PRKDC: variants seen among roughly 807,000 people sequenced by gnomAD.
PRKDC encodes the protein protein kinase, DNA-activated, catalytic subunit.
PRKDC carries 82 observed loss-of-function variants against 486.9 expected under a neutral mutation model. The observed-to-expected ratio is 0.17, with a 90% CI of 0.14 to 0.20. The LOEUF (loss-of-function observed/expected upper bound fraction) is 0.20, where lower values mean the gene tolerates loss of function less well. PRKDC is among the 10% of genes least tolerant of loss of function. PRKDC has a pLI of 1.00. For missense variants in PRKDC, 4,504 were observed against 5,038.2 expected, an observed-to-expected ratio of 0.89 and a Z score of 3.21; for synonymous variants, 1,895 against 1,837.0, an observed-to-expected ratio of 1.03 and a Z score of -0.81.
At chr8:47,835,620 C>CA (rs71548446) in intron 58 of PRKDC, among the ~76,000 whole-genome samples, 6,752 of 20,288 alleles carry the variant, frequency 0.33, 2,240 homozygotes, top group South Asian at 0.49. Flanking sequence ...GACTCTGTCT[C>CA]AAAAAAAAAA....
chr8:47,837,504 G>T, intron 56 of PRKDC, 85 bp from the exon 57 acceptor site: 1 of 1,049,582 alleles, frequency 9.5e-7, no homozygotes. Context: ...TGTGGAGAAG[G>T]CACAGCTCTT....
rs544774172 is a variant in PRKDC, at chr8:47,777,720, T to A, written c.12008A>T (p.Asp4003Val). ...AAAGGAGGGCTCCTTGACAAACACA[T>A]CCATGGTGTTGGTGAGCAGGCCAGG... ...SDPGLLTNTM[D>V]VFVKEPSFDW... The change falls in exon 84 of 86, where the codon GAT (aspartate) becomes GTT (valine). Residue 4003 changes from aspartate to valine, a missense_variant. Physicochemically the swap from Asp to Val is radical, Grantham distance 152. Around this residue, in one of 6 missense-constraint regions of PRKDC, gnomAD observed 706 missense variants for 945.0 expected, o/e 0.75. Transcript: ENST00000314191. 1 of 1,606,570 alleles carries A rather than the reference T, an allele frequency of 6.2e-7. No individual in the cohort carries two copies. Among genetic ancestry groups the A allele is most frequent in the East Asian group, 2.2e-5 (1 of 44,678 alleles).
At chr8:47,916,532 T>G (rs1407131360) in intron 22 of PRKDC, among the ~76,000 whole-genome samples, 1 of 152,212 alleles carries the variant, frequency 6.6e-6, no homozygotes, top group Non-Finnish European at 1.5e-5. Context: ...AAGCTTAAAT[T>G]TTATCATTGG....
intron 60 of PRKDC, among the ~76,000 whole-genome samples, chr8:47,831,051 C>A (rs965421865): frequency 5.9e-5 from 9 of 152,196 alleles, no homozygotes; most frequent in Admixed American, 4.6e-4. Context: ...TCACTGAGAA[C>A]GAGGCCGGCA....
At chr8:47,939,381 T>C (rs2090402837) in intron 11 of PRKDC, among the ~76,000 whole-genome samples, 170 bp downstream of exon 11, 2 of 152,362 alleles carry the variant, frequency 1.3e-5, no homozygotes, top group East Asian at 1.9e-4. Flanking sequence ...TTGATCCGTA[T>C]GGTAGAAAAA....
intron 1 of PRKDC, 74 bp downstream of exon 1, chr8:47,959,899 C>CGCCGGGCT (rs2090783220): frequency 6.6e-7 from 1 of 1,505,594 alleles, no homozygotes; most frequent in African/African-American, 1.4e-5. Flanking sequence ...CACAGAGAAG[C>CGCCGGGCT]GCCGGGCTGC....
intron 85 of PRKDC, among the ~76,000 whole-genome samples, chr8:47,776,553 A>AT (rs1399777362): frequency 1.3e-5 from 2 of 152,228 alleles, no homozygotes; most frequent in Non-Finnish European, 2.9e-5. Flanking sequence ...ATGTAACAAT[A>AT]TTCTGGCAAC....
chr8:47,822,968 C>T (rs1401832488), intron 64 of PRKDC, among the ~76,000 whole-genome samples: 1 of 152,142 alleles, frequency 6.6e-6, no homozygotes, highest in East Asian at 1.9e-4. Flanking sequence ...CCACCTAAAC[C>T]TCATGTTGAA....
chr8:47,851,418 T>C (rs1019856461), intron 52 of PRKDC, among the ~76,000 whole-genome samples: 2 of 152,244 alleles, frequency 1.3e-5, no homozygotes, highest in African/African-American at 2.4e-5. Context: ...GAATTACAAG[T>C]AATATTTGAT....
In PRKDC at chr8:47,889,917, G is replaced by A. The variant is rs8178093; in HGVS notation, c.4071+340C>T. On this transcript the variant is annotated intron_variant, in intron 32 of 85. Transcript: ENST00000314191. ...GTTACATATATGAGGTAACAGATAC[G>A]TTAATTAGCTTGATTTAGCCATACC... is the stretch of plus-strand genomic sequence containing the variant. 6.2e-3 allele frequency among the ~76,000 whole-genome samples: 944 copies of A among 152,148 alleles called. 12 individuals carry two copies. The highest frequency in any genetic ancestry group is 0.022 in the African/African-American group (906 of 41,516).
At position 47,836,449 on chromosome 8, in the gene PRKDC, C is replaced by G. The variant is rs768638587; in HGVS notation, c.7840G>C (p.Gly2614Arg). ...PMFVETQASQGTLQTRTQEGS... is the reference protein window; with the variant it reads ...PMFVETQASQRTLQTRTQEGS... ...TCCTGGGTACGGGTCTGGAGAGTGC[C>G]CTGGGAGGCCTGGGTCTCCACAAAC... Residue 2614 changes from glycine to arginine, a missense_variant, in exon 58 of 86, where the codon GGC (glycine) becomes CGC (arginine). Physicochemically the swap from Gly to Arg is moderately radical, Grantham distance 125. Around this residue, in one of 6 missense-constraint regions of PRKDC, gnomAD observed 1,592 missense variants for 1,724.6 expected, o/e 0.92. Transcript: ENST00000314191. 1.9e-6 allele frequency: 3 copies of G among 1,612,172 alleles called. No individual in the cohort carries two copies. In the East Asian group the frequency reaches 6.7e-5, roughly 36 times the overall value.
Position 47,903,723 on chromosome 8 carries a change from C to G in PRKDC, c.3043-928G>C, listed in dbSNP as rs182029266. Among the ~76,000 whole-genome samples, 3 of 152,160 alleles carry G rather than the reference C, an allele frequency of 2.0e-5. No homozygotes were observed. The East Asian group carries it at 5.8e-4, about 29-fold the overall frequency. On this transcript the variant is annotated intron_variant, in intron 26 of 85. Coordinates refer to ENST00000314191, the MANE Select transcript of PRKDC (RefSeq NM_006904.7). ...ACTTATCAGATTTCTTTCTTAATCT[C>G]TTACTTAATCTACCTTCAAGGATCA...
chr8:47,861,980 G>C, intron 44 of PRKDC, 82 bp downstream of exon 44: 1 of 1,123,168 alleles, frequency 8.9e-7, no homozygotes, highest in Non-Finnish European at 1.3e-6. Context: ...CTTGAATATT[G>C]GCAACTTAAC....
chr8:47,943,307 A>G lies in PRKDC; in HGVS notation c.868T>C (p.Tyr290His), dbSNP rs778320605. 2 of 1,612,360 alleles carry G rather than the reference A, an allele frequency of 1.2e-6. No individual in the cohort carries two copies. The highest frequency in any genetic ancestry group is 1.7e-6 in the Non-Finnish European group (2 of 1,179,104). ...SQFSTCLLDN[Y>H]VSLFEVLLKW... Reference sequence around the variant, plus strand: ...AACAAGACTTCAAATAGAGACACGTAGTTGTCCAGAAGGCAGGTGCTAAAC... The same window carrying G: ...AACAAGACTTCAAATAGAGACACGTGGTTGTCCAGAAGGCAGGTGCTAAAC... The change falls in exon 10 of 86, where the codon TAC (tyrosine) becomes CAC (histidine). Residue 290 changes from tyrosine (Y) to histidine (H), a missense_variant. Tyr to His is a moderately conservative substitution (Grantham distance 83). Coordinates refer to ENST00000314191, the MANE Select transcript of PRKDC (RefSeq NM_006904.7).
intron 21 of PRKDC, 21 bp downstream of exon 21, chr8:47,927,173 C>G: frequency 6.2e-7 from 1 of 1,607,522 alleles, no homozygotes. Context: ...CAATACACAT[C>G]ACAATTCTTC....
At chr8:47,956,977 CCAAA>C (rs2090713553) in intron 3 of PRKDC, among the ~76,000 whole-genome samples, 190 bp downstream of exon 3, 1 of 11,452 alleles carries the variant, frequency 8.7e-5, no homozygotes, top group Admixed American at 1.5e-3. Context: ...AACTCCTTCT[CCAAA>C]AAAAAAAAAA....
At chr8:47,904,147 T>C (rs954734565) in intron 26 of PRKDC, among the ~76,000 whole-genome samples, 1 of 152,164 alleles carries the variant, frequency 6.6e-6, no homozygotes, top group Non-Finnish European at 1.5e-5. Flanking sequence ...TCTAAGACAA[T>C]GCTTCTCCGT....
rs1431011307 is a variant in PRKDC, at chr8:47,888,597, C to A, written c.4334G>T (p.Arg1445Met). Residue 1445 changes from arginine to methionine, a missense_variant, in exon 34 of 86, where the codon AGG (arginine) becomes ATG (methionine). Physicochemically the swap from Arg to Met is moderately conservative, Grantham distance 91. Transcript: ENST00000314191. ...AGACACAACAGCAGCCAGCCTGCTC[C>A]TGTCCACTTGCGCGTCAGGGCCATA... is the stretch of plus-strand genomic sequence containing the variant. Reference protein sequence around the residue: ...NLYGPDAQVDRSRLAAVVSAC... With the variant: ...NLYGPDAQVDMSRLAAVVSAC... 2 of 1,592,790 alleles carry A rather than the reference C, an allele frequency of 1.3e-6. No homozygotes were observed. The highest frequency in any genetic ancestry group is 3.5e-5 in the Admixed American group (2 of 56,958).
At chr8:47,822,882 C>T (rs182651384) in intron 64 of PRKDC, among the ~76,000 whole-genome samples, 66 of 152,274 alleles carry the variant, frequency 4.3e-4, no homozygotes, top group Middle Eastern at 3.4e-3. Flanking sequence ...TAGCCACTGA[C>T]GGAATGTACA....
Sources: allele counts gnomAD v4.1 joint callset (sites outside exome capture counted in the v4.1 genomes callset), GRCh38; gene constraint gnomAD v4.1.1; regional missense constraint gnomAD v4.1.1; transcripts MANE v1.5; gene names NCBI Gene and HGNC (gene_info 2026-07-23, HGNC 2026-07-21).